The following WDR62 variants were observed in gnomAD, a reference collection of about 807,000 sequenced individuals.
WDR62 encodes the protein WD repeat domain 62.
Under a neutral mutation model 160.6 loss-of-function variants are expected in WDR62, and 112 were observed. That is an observed-to-expected ratio of 0.70 (90% CI 0.60 to 0.82). The LOEUF (loss-of-function observed/expected upper bound fraction) is 0.82, where lower values mean the gene tolerates loss of function less well. Among genes scored for constraint, WDR62 ranks in the 40% least tolerant of loss-of-function variants. WDR62 has a pLI of 0.00. For missense variants in WDR62, 1,819 were observed against 1,983.8 expected, an observed-to-expected ratio of 0.92 and a Z score of 1.58; for synonymous variants, 792 against 815.1, an observed-to-expected ratio of 0.97 and a Z score of 0.48.
At chr19:36,080,744 C>T (rs549249472) in intron 9 of WDR62, among the ~76,000 whole-genome samples, 49 of 152,304 alleles carry the variant, frequency 3.2e-4, no homozygotes, top group Middle Eastern at 6.8e-3. Context: ...CATGAGCCAC[C>T]GCGCCCGGCC....
chr19:36,060,542 G>A (rs1970593936), intron 3 of WDR62: 2 of 177,862 alleles, frequency 1.1e-5, no homozygotes, highest in South Asian at 2.5e-4. Flanking sequence ...AAGGAGCAGG[G>A]AAGATGAGGC....
intron 21 of WDR62, 32 bp downstream of exon 21, chr19:36,097,111 C>T (rs1285431718): frequency 1.2e-6 from 2 of 1,611,168 alleles, no homozygotes; most frequent in African/African-American, 2.7e-5. Context: ...TGCTCAGGGG[C>T]TGGCAGAGGA....
intron 8 of WDR62, among the ~76,000 whole-genome samples, chr19:36,072,340 G>T (rs913366082): frequency 6.6e-6 from 1 of 152,176 alleles, no homozygotes; most frequent in Non-Finnish European, 1.5e-5. Context: ...AATAGTAAGG[G>T]ACTGTGTGGC....
Position 36,090,481 on chromosome 19 carries a change from C to T in WDR62, c.1995C>T (p.Cys665=), listed in dbSNP as rs1169889414. 1.2e-6 allele frequency: 2 copies of T among 1,613,994 alleles called. No homozygotes were observed. Among genetic ancestry groups the T allele is most frequent in the Non-Finnish European group, 1.7e-6 (2 of 1,179,990 alleles). ...YNTVNGKQKK[C]YKGSQGDEGS... ...CTGTGAACGGGAAGCAGAAGAAGTGCTACAAGGGCTCCCAGGGTGACGAAG... is the reference window on the plus strand; with the variant it reads ...CTGTGAACGGGAAGCAGAAGAAGTGTTACAAGGGCTCCCAGGGTGACGAAG... The change falls in exon 16 of 32, where the codon TGC becomes TGT. Residue 665 remains cysteine (C), a synonymous_variant. Transcript: ENST00000401500.
At chr19:36,087,546 G>A (rs1972320813) in intron 13 of WDR62, among the ~76,000 whole-genome samples, 1 of 151,630 alleles carries the variant, frequency 6.6e-6, no homozygotes, top group South Asian at 2.1e-4. Flanking sequence ...GCCGGGCGTG[G>A]TGGCTCATGC....
chr19:36,090,617 G>T, intron 16 of WDR62, 97 bp downstream of exon 16: 2 of 1,124,942 alleles, frequency 1.8e-6, no homozygotes, highest in Non-Finnish European at 2.7e-6. Flanking sequence ...CTTCCTCAGT[G>T]CACCGCGCTG....
intron 10 of WDR62, among the ~76,000 whole-genome samples, chr19:36,082,478 C>T (rs1971956141): frequency 6.6e-6 from 1 of 152,176 alleles, no homozygotes; most frequent in South Asian, 2.1e-4. Flanking sequence ...GTGATTGGAA[C>T]TAAAAAGACC....
In WDR62 at chr19:36,058,464, C is replaced by G. The variant is rs183823791; in HGVS notation, c.178-316C>G. Reference sequence around the variant, plus strand: ...TCCTTATCTGCTTTCTTCTCTCTTGCACCCATCATTACTTGGCATCTATTT... The same window carrying G: ...TCCTTATCTGCTTTCTTCTCTCTTGGACCCATCATTACTTGGCATCTATTT... On this transcript the variant is annotated intron_variant, in intron 1 of 31. Coordinates refer to ENST00000401500, the MANE Select transcript of WDR62 (RefSeq NM_001083961.2). Among the ~76,000 whole-genome samples, 22 of 152,406 alleles carry G rather than the reference C, an allele frequency of 1.4e-4. No individual in the cohort carries two copies. The East Asian group carries it at 3.5e-3, about 24-fold the overall frequency.
chr19:36,109,405 C>T (rs151316567), downstream of WDR62, among the ~76,000 whole-genome samples: 38 of 152,188 alleles, frequency 2.5e-4, no homozygotes, highest in East Asian at 6.7e-3. Context: ...TGGACTTACG[C>T]GATCATTTTC....
intron 19 of WDR62, among the ~76,000 whole-genome samples, chr19:36,093,029 G>A (rs1372978603): frequency 1.3e-5 from 2 of 152,232 alleles, no homozygotes; most frequent in African/African-American, 4.8e-5. Context: ...TAGAGACAGA[G>A]TCTTGCTGTG....
At chr19:36,105,986 A>T (rs1461371122), downstream of WDR62, among the ~76,000 whole-genome samples, 1 of 152,214 alleles carries the variant, frequency 6.6e-6, no homozygotes, top group Non-Finnish European at 1.5e-5. Context: ...GGCATGAGCC[A>T]CCGCACCTGG....
downstream of WDR62, among the ~76,000 whole-genome samples, chr19:36,109,995 T>C (rs548979167): frequency 1.0e-4 from 15 of 146,766 alleles, no homozygotes; most frequent in Middle Eastern, 8.1e-3. Flanking sequence ...GCGGAGGTCA[T>C]AGAGGAGCCA....
chr19:36,080,507 A>C (rs961507575), intron 9 of WDR62, among the ~76,000 whole-genome samples: 5 of 150,260 alleles, frequency 3.3e-5, no homozygotes, highest in African/African-American at 1.2e-4. Context: ...GCTCACTGCA[A>C]CCTCCGCCTC....
intron 20 of WDR62, among the ~76,000 whole-genome samples, chr19:36,096,654 T>TG (rs1972978636): frequency 6.7e-6 from 1 of 148,752 alleles, no homozygotes; most frequent in Non-Finnish European, 1.5e-5. Flanking sequence ...GAGGTTGCAG[T>TG]GAGCCGAGAT....
Position 36,089,139 on chromosome 19 carries a change from G to T in WDR62, c.1836+34G>T, listed in dbSNP as rs201569352. On this transcript the variant is annotated intron_variant, in intron 14 of 31. Transcript: ENST00000401500. ...GCATGGCCTCCTTGGGGGCTGGGGT[G>T]GGGGGTTGTCGGGGCATTCTCTGAA... 1.5e-4 allele frequency: 243 copies of T among 1,613,440 alleles called. 1 individual carries two copies. The African/African-American group carries it at 2.9e-3, about 19-fold the overall frequency.
intron 3 of WDR62, among the ~76,000 whole-genome samples, chr19:36,065,374 G>A (rs536883405): frequency 2.2e-4 from 34 of 152,240 alleles, no homozygotes; most frequent in Non-Finnish European, 4.4e-4. Flanking sequence ...AGAGAAGGGA[G>A]TAGAAGGAAA....
chr19:36,102,723 G>C lies in WDR62; in HGVS notation c.3221-14G>C. The C allele has an allele frequency of 6.2e-7, 1 of 1,613,168 alleles. No homozygotes were observed. The highest frequency in any genetic ancestry group is 1.3e-5 in the African/African-American group (1 of 75,036). On this transcript the variant is annotated splice_polypyrimidine_tract_variant and intron_variant, in intron 26 of 31. Coordinates refer to ENST00000401500, the MANE Select transcript of WDR62 (RefSeq NM_001083961.2). ...GGGAAGGGTTATGAGGGTCCCCTCG[G>C]GATCTTCCCCTAGAGCTCTTCCCCG...
chr19:36,101,310 G>A lies in WDR62; in HGVS notation c.2964G>A (p.Pro988=), dbSNP rs762321869. 2.2e-5 allele frequency: 36 copies of A among 1,609,608 alleles called. No individual in the cohort carries two copies. The highest frequency in any genetic ancestry group is 1.6e-4 in the Middle Eastern group (1 of 6,078). Residue 988 remains proline, a synonymous_variant, in exon 24 of 32, where the codon CCG becomes CCA. Transcript: ENST00000401500. ...CCGACAGCCCAAAGGACCAGAGCCC[G>A]CCTGAGGGTGAGTGCAGGGCAGGCA... ...VSSDSPKDQS[P]PEDSGESEAD...
intron 1 of WDR62, among the ~76,000 whole-genome samples, chr19:36,057,537 C>T (rs1970431773): frequency 6.7e-6 from 1 of 149,470 alleles, no homozygotes; most frequent in Admixed American, 6.7e-5. Context: ...TTTTTTGAGA[C>T]AGAGTCTCAC....
Sources: allele counts gnomAD v4.1 joint callset (sites outside exome capture counted in the v4.1 genomes callset), GRCh38; gene constraint gnomAD v4.1.1; transcripts MANE v1.5; gene names NCBI Gene and HGNC (gene_info 2026-07-23, HGNC 2026-07-21).